The following SLC38A1 variants were observed in gnomAD, a reference collection of about 807,000 sequenced individuals.
The protein encoded by SLC38A1 is sodium-coupled neutral amino acid symporter 1.
Under a neutral mutation model 60.3 loss-of-function variants are expected in SLC38A1, and 18 were observed. That is an observed-to-expected ratio of 0.30 (90% confidence interval 0.21 to 0.44). SLC38A1 has a LOEUF of 0.44. Among genes scored for constraint, SLC38A1 ranks in the 20% least tolerant of loss-of-function variants. SLC38A1 has a pLI of 1.00. For synonymous variants in SLC38A1, 196 were observed against 212.1 expected (o/e 0.92, Z 0.66); for missense variants, 448 against 587.2 (o/e 0.76, Z 2.45).
At chr12:46,242,673 G>A (rs771370337) in intron 2 of SLC38A1, among the ~76,000 whole-genome samples, 5 of 152,106 alleles carry the variant, frequency 3.3e-5, no homozygotes, top group South Asian at 2.1e-4. Flanking sequence ...TGTGTAGCAC[G>A]TGCCTGTGGT....
In SLC38A1 at chr12:46,188,930, C is replaced by T; in HGVS notation, c.*40G>A. On this transcript the variant is annotated 3_prime_UTR_variant, in exon 17 of 17. Coordinates refer to ENST00000398637, the MANE Select transcript of SLC38A1 (RefSeq NM_030674.4). ...AGATTGCTGATGTGTGGGGACTTGA[C>T]TGAGCAGACAACAGGGATGTTTCTT... 1 of 1,544,896 alleles carries T rather than the reference C, an allele frequency of 6.5e-7. No homozygotes were observed. The highest frequency in any genetic ancestry group is 8.9e-7 in the Non-Finnish European group (1 of 1,119,938).
intron 1 of SLC38A1, among the ~76,000 whole-genome samples, chr12:46,243,985 T>C (rs1322854289): frequency 6.6e-6 from 1 of 152,232 alleles, no homozygotes; most frequent in Admixed American, 6.5e-5. Flanking sequence ...GAAACTTATC[T>C]GGCCTTAAGT....
intron 2 of SLC38A1, 43 bp from the exon 3 acceptor site, chr12:46,239,936 GCTA>G: frequency 1.4e-6 from 1 of 693,870 alleles, no homozygotes; most frequent in South Asian, 2.1e-5. Context: ...CATATGAAAC[GCTA>G]CTGATTAAAA....
chr12:46,210,461 G>A (rs1398002948), intron 5 of SLC38A1, among the ~76,000 whole-genome samples: 2 of 152,178 alleles, frequency 1.3e-5, no homozygotes, highest in Non-Finnish European at 2.9e-5. Flanking sequence ...AGGAATTTAG[G>A]TTAAGATATG....
At chr12:46,214,961 A>G (rs1182718965) in intron 5 of SLC38A1, among the ~76,000 whole-genome samples, 1 of 152,146 alleles carries the variant, frequency 6.6e-6, no homozygotes, top group East Asian at 1.9e-4. Flanking sequence ...AGCCCTCCCT[A>G]GCATGACTCT....
intron 5 of SLC38A1, among the ~76,000 whole-genome samples, chr12:46,215,018 CA>C (rs1280515267): frequency 6.6e-6 from 1 of 152,172 alleles, no homozygotes; most frequent in Non-Finnish European, 1.5e-5. Context: ...AACGTGTGTG[CA>C]AATTAGGATC....
At chr12:46,228,738 A>G (rs1940959739) in intron 5 of SLC38A1, among the ~76,000 whole-genome samples, 1 of 152,222 alleles carries the variant, frequency 6.6e-6, no homozygotes, top group African/African-American at 2.4e-5. Context: ...TTGAATATTT[A>G]TTACAAACAA....
At chr12:46,225,766 T>C (rs1266523645) in intron 5 of SLC38A1, among the ~76,000 whole-genome samples, 1 of 152,188 alleles carries the variant, frequency 6.6e-6, no homozygotes, top group Non-Finnish European at 1.5e-5. Flanking sequence ...AGGAACTATC[T>C]GACATCTGGG....
intron 5 of SLC38A1, among the ~76,000 whole-genome samples, chr12:46,228,818 G>A (rs1268841197): frequency 6.6e-6 from 1 of 151,928 alleles, no homozygotes; most frequent in African/African-American, 2.4e-5. Context: ...GACTGGCTGG[G>A]GTTAAACACC....
intron 1 of SLC38A1, among the ~76,000 whole-genome samples, chr12:46,250,046 T>C (rs1941779415): frequency 6.6e-6 from 1 of 152,148 alleles, no homozygotes; most frequent in African/African-American, 2.4e-5. Flanking sequence ...AAAGAGAATT[T>C]TAGGCCAATA....
chr12:46,215,488 T>C (rs967420670), intron 5 of SLC38A1, among the ~76,000 whole-genome samples: 3 of 152,140 alleles, frequency 2.0e-5, no homozygotes, highest in African/African-American at 7.2e-5. Context: ...CTTGGCTCAC[T>C]GCAACCTCTG....
At chr12:46,210,366 A>T (rs1454931487) in intron 5 of SLC38A1, among the ~76,000 whole-genome samples, 2 of 152,254 alleles carry the variant, frequency 1.3e-5, no homozygotes, top group African/African-American at 4.8e-5. Context: ...AAAGAGGGGC[A>T]GAGCTCAGCA....
At chr12:46,208,804 C>A (rs1940022118) in intron 6 of SLC38A1, among the ~76,000 whole-genome samples, 1 of 152,086 alleles carries the variant, frequency 6.6e-6, no homozygotes. Flanking sequence ...ACCAGAAAAA[C>A]AGGTATAATT....
intron 5 of SLC38A1, among the ~76,000 whole-genome samples, chr12:46,225,659 G>A (rs977316792): frequency 5.3e-5 from 8 of 152,268 alleles, no homozygotes; most frequent in Non-Finnish European, 8.8e-5. Flanking sequence ...TAAGTAAATA[G>A]CATCTTAAGT....
chr12:46,222,058 G>C (rs188961932), intron 5 of SLC38A1, among the ~76,000 whole-genome samples: 4 of 152,150 alleles, frequency 2.6e-5, no homozygotes, highest in Admixed American at 2.6e-4. Flanking sequence ...GAAGGGAAAA[G>C]AGGTTGAAAA....
At chr12:46,253,748 C>T (rs958649603) in intron 1 of SLC38A1, among the ~76,000 whole-genome samples, 2 of 152,006 alleles carry the variant, frequency 1.3e-5, no homozygotes, top group African/African-American at 2.4e-5. Context: ...GGTTCACATG[C>T]CTCTGACATT....
At chr12:46,201,785 C>T (rs1939670240) in intron 12 of SLC38A1, among the ~76,000 whole-genome samples, 1 of 151,328 alleles carries the variant, frequency 6.6e-6, no homozygotes, top group Admixed American at 6.6e-5. Context: ...TCTTTAACTG[C>T]CCAAACAATT....
Position 46,209,371 on chromosome 12 carries a change from C to T in SLC38A1, c.315-244G>A, listed in dbSNP as rs149974734. ...TTTATGTAATTCGAAGCCCAAATAG[C>T]TCTCTGGGAGCATTTCGGTTGAGAT... On this transcript the variant is annotated intron_variant, in intron 5 of 16. Coordinates refer to ENST00000398637, the MANE Select transcript of SLC38A1 (RefSeq NM_030674.4). 5.4e-3 allele frequency among the ~76,000 whole-genome samples: 822 copies of T among 152,240 alleles called. 5 individuals carry two copies. The highest frequency in any genetic ancestry group is 0.012 in the Admixed American group (186 of 15,296).
At chr12:46,234,597 G>A (rs1050642927) in intron 3 of SLC38A1, among the ~76,000 whole-genome samples, 3 of 151,902 alleles carry the variant, frequency 2.0e-5, no homozygotes, top group Non-Finnish European at 4.4e-5. Flanking sequence ...ACAGGCGCCC[G>A]CCACCGTACC....
Sources: gnomAD v4.1 joint callset for allele counts (sites outside exome capture counted in the v4.1 genomes callset) on GRCh38, gnomAD v4.1.1 for gene constraint, MANE v1.5 for transcripts, NCBI Gene and HGNC (gene_info 2026-07-23, HGNC 2026-07-21) for gene names.